CFAP54: variants seen among roughly 807,000 people sequenced by gnomAD.
CFAP54 encodes the protein cilia- and flagella-associated protein 54.
In CFAP54, 290 loss-of-function variants were observed where a neutral mutation model predicts 370.4. That is an observed-to-expected ratio of 0.78 (90% CI 0.71 to 0.86). The LOEUF (loss-of-function observed/expected upper bound fraction) is 0.86. CFAP54 is among the 40% of genes least tolerant of loss of function. The pLI is 0.00. For missense variants in CFAP54, 3,399 were observed against 3,528.7 expected (o/e 0.96, Z 0.93); for synonymous variants, 1,206 against 1,236.5 (o/e 0.98, Z 0.52).
At chr12:96,588,631 G>C (rs1329198400) in intron 22 of CFAP54, among the ~76,000 whole-genome samples, 1 of 152,126 alleles carries the variant, frequency 6.6e-6, no homozygotes, top group African/African-American at 2.4e-5. Flanking sequence ...CTAGTAACTT[G>C]TCATTCACTT....
rs564299254 is a variant in CFAP54 at position 96,744,110 on chromosome 12, C to T, written c.7648C>T (p.His2550Tyr). ...GCCTTTGAAAAATATCTATCTTCCC[C>T]ATGTCATGTTATTGGCCAAAATAAA... ...LQPLKNIYLP[H>Y]VMLLAKIKMR... The change falls in exon 55 of 68, where the codon CAT becomes TAT. Residue 2550 changes from histidine to tyrosine, a missense_variant. Transcript: ENST00000524981. The T allele has an allele frequency of 3.1e-6, 5 of 1,609,810 alleles. No individual in the cohort carries two copies. The East Asian group carries it at 1.1e-4, about 36-fold the overall frequency.
intron 62 of CFAP54, among the ~76,000 whole-genome samples, chr12:96,788,747 A>T (rs1958653178): frequency 6.6e-6 from 1 of 152,152 alleles, no homozygotes; most frequent in Admixed American, 6.5e-5. Context: ...GTAAGTTTTT[A>T]AAAGTAGTGG....
intron 66 of CFAP54, among the ~76,000 whole-genome samples, chr12:96,842,951 G>A (rs1959237672): frequency 6.6e-6 from 1 of 152,132 alleles, no homozygotes; most frequent in African/African-American, 2.4e-5. Context: ...GTTACTATTG[G>A]CTGCCTTATA....
rs141817089 is a variant in CFAP54, at chr12:96,838,423, G to A, written c.9171+9335G>A. ...TTGATACTGCTATAAAGAACTGCCC[G>A]AGACTGGGTAATTTATAAAGAAAAA... On this transcript the variant is annotated intron_variant, in intron 66 of 67. Transcript: ENST00000524981. Among the ~76,000 whole-genome samples the A allele has an allele frequency of 6.5e-3, 992 of 152,198 alleles. 13 individuals are homozygous for A. The highest frequency in any genetic ancestry group is 0.022 in the African/African-American group (928 of 41,522).
At chr12:96,781,640 G>T (rs1335235801) in intron 60 of CFAP54, among the ~76,000 whole-genome samples, 1 of 152,050 alleles carries the variant, frequency 6.6e-6, no homozygotes, top group African/African-American at 2.4e-5. Context: ...GAACACAAAG[G>T]AAGGCATCAA....
At chr12:96,651,318 A>G (rs1385030595) in intron 35 of CFAP54, among the ~76,000 whole-genome samples, 1 of 152,198 alleles carries the variant, frequency 6.6e-6, no homozygotes, top group East Asian at 1.9e-4. Flanking sequence ...ACCTAGAACA[A>G]TGGGTTAGCC....
intron 13 of CFAP54, among the ~76,000 whole-genome samples, chr12:96,539,384 A>G (rs1317112769): frequency 6.6e-6 from 1 of 151,942 alleles, no homozygotes. Context: ...AAGAATAAAT[A>G]TAGTATGGGC....
At chr12:96,562,376 AT>A (rs904292692) in intron 17 of CFAP54, among the ~76,000 whole-genome samples, 2 of 141,506 alleles carry the variant, frequency 1.4e-5, no homozygotes, top group East Asian at 2.1e-4. Flanking sequence ...TCTATTTTTA[AT>A]TTTTTTTTCA....
chr12:96,794,132 A>G (rs1023813045), intron 63 of CFAP54, among the ~76,000 whole-genome samples: 4 of 152,046 alleles, frequency 2.6e-5, no homozygotes, highest in Non-Finnish European at 5.9e-5. Flanking sequence ...ATTTTCCTTT[A>G]TATGTTATCT....
rs149020009 is a variant in CFAP54, at chr12:96,575,267, A to G, written c.2620-1318A>G. 4.7e-3 allele frequency among the ~76,000 whole-genome samples: 710 copies of G among 152,250 alleles called. 2 individuals carry two copies. Among genetic ancestry groups the G allele is most frequent in the Non-Finnish European group, 8.2e-3 (559 of 67,970 alleles). ...AAAATTCTCAGTTATAACAGTGTAT[A>G]TAAGTGCTGAATACAAGTCTTTTAT... On this transcript the variant is annotated intron_variant, in intron 19 of 67. Transcript: ENST00000524981.
intron 55 of CFAP54, among the ~76,000 whole-genome samples, chr12:96,749,792 T>C (rs1308437594): frequency 6.6e-6 from 1 of 152,204 alleles, no homozygotes; most frequent in East Asian, 1.9e-4. Flanking sequence ...CCACCTTTTC[T>C]GGGGGTTATA....
chr12:96,659,711 G>A (rs1303137616), intron 38 of CFAP54, among the ~76,000 whole-genome samples: 1 of 152,174 alleles, frequency 6.6e-6, no homozygotes, highest in African/African-American at 2.4e-5. Context: ...TTAACAAAGT[G>A]CATTGACTAC....
At chr12:96,778,308 TCTAA>T (rs1388266583) in intron 60 of CFAP54, among the ~76,000 whole-genome samples, 1 of 152,238 alleles carries the variant, frequency 6.6e-6, no homozygotes, top group African/African-American at 2.4e-5. Context: ...TGTACATTTC[TCTAA>T]CTAATGCATT....
At chr12:96,522,981 C>T (rs891456406) in intron 8 of CFAP54, among the ~76,000 whole-genome samples, 2 of 152,170 alleles carry the variant, frequency 1.3e-5, no homozygotes, top group Non-Finnish European at 2.9e-5. Context: ...ACCTGTGGGG[C>T]CCTCGGCCCT....
At chr12:96,536,014 A>G (rs1955498586) in intron 12 of CFAP54, among the ~76,000 whole-genome samples, 1 of 152,206 alleles carries the variant, frequency 6.6e-6, no homozygotes, top group African/African-American at 2.4e-5. Context: ...TAATATAGCA[A>G]TGGTTATTAA....
chr12:96,812,779 G>T (rs1958940018), intron 64 of CFAP54, among the ~76,000 whole-genome samples: 1 of 152,038 alleles, frequency 6.6e-6, no homozygotes. Flanking sequence ...TGACTTCTTG[G>T]CATCACCATG....
intron 33 of CFAP54, among the ~76,000 whole-genome samples, chr12:96,647,356 C>T (rs1319018854): frequency 1.3e-5 from 2 of 150,236 alleles, no homozygotes; most frequent in Non-Finnish European, 3.0e-5. Context: ...GCCTGTAGTC[C>T]CAGCTACTCT....
chr12:96,846,522 C>T (rs1045231025), intron 66 of CFAP54, among the ~76,000 whole-genome samples: 3 of 152,152 alleles, frequency 2.0e-5, no homozygotes, highest in Non-Finnish European at 4.4e-5. Flanking sequence ...TGTCAGATTT[C>T]AAAGGCTTTT....
intron 39 of CFAP54, among the ~76,000 whole-genome samples, chr12:96,675,983 T>A (rs1007547012): frequency 6.6e-6 from 1 of 152,002 alleles, no homozygotes; most frequent in Non-Finnish European, 1.5e-5. Flanking sequence ...ATATACCTAA[T>A]GCTAAATGAC....
Sources: gnomAD v4.1 joint callset for allele counts (sites outside exome capture counted in the v4.1 genomes callset) on GRCh38, gnomAD v4.1.1 for gene constraint, MANE v1.5 for transcripts, NCBI Gene and HGNC (gene_info 2026-07-23, HGNC 2026-07-21) for gene names.